Variants in CABP1 observed in about 807,000 individuals in gnomAD.
CABP1 encodes the protein calcium binding protein 1.
Under a neutral mutation model 34.3 loss-of-function variants are expected in CABP1, and 17 were observed. That is an observed-to-expected ratio of 0.50 (90% confidence interval 0.34 to 0.74). The LOEUF (loss-of-function observed/expected upper bound fraction) is 0.74. Among genes scored for constraint, CABP1 ranks in the 30% least tolerant of loss-of-function variants. The probability of loss-of-function intolerance (pLI) is 0.01; values close to 1 mark genes in which losing one functional copy is unlikely to be tolerated. For missense variants in CABP1, 373 were observed against 511.1 expected (o/e 0.73, Z 2.61); for synonymous variants, 198 against 229.2 (o/e 0.86, Z 1.23).
At chr12:120,646,280 T>G (rs958340825) in intron 1 of CABP1, among the ~76,000 whole-genome samples, 3 of 152,198 alleles carry the variant, frequency 2.0e-5, no homozygotes, top group Non-Finnish European at 2.9e-5. Flanking sequence ...TGGTGATAGT[T>G]CAAATGCTGG....
chr12:120,668,466 AAAAG>A (rs1592900500), downstream of CABP1, among the ~76,000 whole-genome samples: 2 of 152,330 alleles, frequency 1.3e-5, no homozygotes, highest in East Asian at 1.9e-4. Flanking sequence ...TCCGTCTAAA[AAAAG>A]AAAGAAATAG....
At chr12:120,674,761 C>T in the CABP1 span, among the ~76,000 whole-genome samples, 21 of 151,864 alleles carry the variant, frequency 1.4e-4, no homozygotes, top group South Asian at 4.1e-4. Flanking sequence ...CATGGTGGTG[C>T]GCACCTGCAG....
intron 1 of CABP1, among the ~76,000 whole-genome samples, chr12:120,644,622 C>T (rs1879468507): frequency 6.6e-6 from 1 of 152,162 alleles, no homozygotes; most frequent in Non-Finnish European, 1.5e-5. Context: ...GGATAAAACC[C>T]ACAGCTCTGT....
chr12:120,668,294 T>C (rs943251098), downstream of CABP1, among the ~76,000 whole-genome samples: 2 of 152,158 alleles, frequency 1.3e-5, no homozygotes, highest in Non-Finnish European at 2.9e-5. Context: ...GTTCAGGAGT[T>C]CAAGACTAAC....
At chr12:120,675,121 C>T in the CABP1 span, among the ~76,000 whole-genome samples, 2 of 150,950 alleles carry the variant, frequency 1.3e-5, no homozygotes, top group Non-Finnish European at 3.0e-5. Context: ...GGTGTGATCT[C>T]GGCTCACTGC....
intron 1 of CABP1, among the ~76,000 whole-genome samples, chr12:120,649,644 G>A (rs995728055): frequency 3.3e-5 from 5 of 152,106 alleles, no homozygotes; most frequent in African/African-American, 9.7e-5. Context: ...GGAGGAGGAG[G>A]TTCAGAGACC....
intron 1 of CABP1, among the ~76,000 whole-genome samples, chr12:120,654,969 G>A (rs1187172932): frequency 1.3e-5 from 2 of 152,246 alleles, no homozygotes; most frequent in Middle Eastern, 3.2e-3. Flanking sequence ...GGGAAGGCGG[G>A]AGGGAGGAAA....
chr12:120,641,306 G>A lies in CABP1; in HGVS notation c.621G>A (p.Arg207=). The part of the protein sequence containing the change: ...AASEADPFLH[R]LRPMLSSAFG... ...CCGAGGCGGACCCGTTCCTCCACCGGCTGCGCCCCATGCTCAGCTCCGCCT... is the reference window on the plus strand; with the variant it reads ...CCGAGGCGGACCCGTTCCTCCACCGACTGCGCCCCATGCTCAGCTCCGCCT... The change falls in exon 1 of 6, where the codon CGG becomes CGA. Residue 207 remains arginine (R), a synonymous_variant. Coordinates refer to ENST00000316803, the MANE Select transcript of CABP1 (RefSeq NM_001033677.2). The surrounding 1 kb of genome is among the most constrained non-coding windows in gnomAD (Gnocchi z 6.7). 3 of 1,330,336 alleles carry A rather than the reference G, an allele frequency of 2.3e-6. No individual in the cohort carries two copies. The highest frequency in any genetic ancestry group is 2.0e-5 in the South Asian group (1 of 50,372). 82.4% of individuals were successfully genotyped at this position (1,330,336 alleles called of 1,614,324 possible).
downstream of CABP1, among the ~76,000 whole-genome samples, chr12:120,671,665 C>A (rs1881254584): frequency 6.6e-6 from 1 of 152,250 alleles, no homozygotes; most frequent in South Asian, 2.1e-4. Context: ...GAAGGGCTCA[C>A]CTTTGGGGAC....
At position 120,660,954 on chromosome 12, in the gene CABP1, A is replaced by C; in HGVS notation, c.939+114A>C. ...CCAGATCAGGGGAGGGAGCTTGGAC[A>C]GAGAAAGGTCTCTGGTAAAGGGGGG... is the stretch of plus-strand genomic sequence containing the variant. On this transcript the variant is annotated intron_variant, in intron 4 of 5. Coordinates refer to ENST00000316803, the MANE Select transcript of CABP1 (RefSeq NM_001033677.2). This position sits in a 1 kb window ranked among gnomAD's most constrained non-coding sequence, Gnocchi z 5.0. 7.1e-7 allele frequency: 1 copy of C among 1,412,642 alleles called. No homozygotes were observed. Among genetic ancestry groups the C allele is most frequent in the Non-Finnish European group, 9.9e-7 (1 of 1,014,808 alleles). The allele number at this position is 1,412,642 out of a possible 1,614,324, so 87.5% of individuals were successfully genotyped here.
rs1176173932 is a variant in CABP1, at chr12:120,660,640, T to A, written c.830-91T>A. 6.7e-6 allele frequency: 6 copies of A among 894,114 alleles called. No individual in the cohort carries two copies. The Admixed American group carries it at 1.1e-4, about 16-fold the overall frequency. 55.4% of individuals were successfully genotyped at this position (894,114 alleles called of 1,614,324 possible). Reference sequence around the variant, plus strand: ...AGTTTGTCTCTATCTGATGAGCAGGTCAAGGAGGGGTTGTCCATTCTGTCA... The same window carrying A: ...AGTTTGTCTCTATCTGATGAGCAGGACAAGGAGGGGTTGTCCATTCTGTCA... On this transcript the variant is annotated intron_variant, in intron 3 of 5. Coordinates refer to ENST00000316803, the MANE Select transcript of CABP1 (RefSeq NM_001033677.2). The surrounding 1 kb of genome is among the most constrained non-coding windows in gnomAD (Gnocchi z 5.0).
At chr12:120,677,874 G>A in the CABP1 span, among the ~76,000 whole-genome samples, 1 of 152,228 alleles carries the variant, frequency 6.6e-6, no homozygotes, top group South Asian at 2.1e-4. Flanking sequence ...TGAGCACACT[G>A]GGCCTGGCTG....
At chr12:120,672,714 A>G in the CABP1 span, among the ~76,000 whole-genome samples, 1 of 56,116 alleles carries the variant, frequency 1.8e-5, no homozygotes, top group African/African-American at 4.1e-4. Flanking sequence ...CTTGGGTGAA[A>G]AAAAAAAAAA....
At chr12:120,650,401 A>T in intron 1 of CABP1, 3 of 1,194,818 alleles carry the variant, frequency 2.5e-6, no homozygotes, top group Non-Finnish European at 3.4e-6. Context: ...CCAGAAAGTT[A>T]AACCCACACA....
intron 1 of CABP1, among the ~76,000 whole-genome samples, chr12:120,651,199 C>T (rs535701744): frequency 5.3e-4 from 81 of 152,084 alleles, no homozygotes; most frequent in Non-Finnish European, 1.0e-3. Context: ...TAATTCTTCC[C>T]CAATAATTCT....
intron 1 of CABP1, among the ~76,000 whole-genome samples, chr12:120,647,539 G>A (rs1879596230): frequency 1.4e-5 from 2 of 147,142 alleles, no homozygotes; most frequent in Non-Finnish European, 3.0e-5. Context: ...ATCCAAGTCA[G>A]CGTGACTCCT....
At chr12:120,674,338 T>C in the CABP1 span, among the ~76,000 whole-genome samples, 12 of 152,282 alleles carry the variant, frequency 7.9e-5, no homozygotes, top group Non-Finnish European at 1.5e-4. Context: ...TGAATGGCTA[T>C]GGCAGAACCT....
intron 1 of CABP1, chr12:120,659,156 G>A (rs1406233011): frequency 1.3e-5 from 2 of 152,242 alleles, no homozygotes; most frequent in East Asian, 1.9e-4. Context: ...GGTGGCCCCC[G>A]GGGTCCTATG....
Position 120,661,211 on chromosome 12 carries a change from C to T in CABP1, c.1080C>T (p.Asp360=). The T allele has an allele frequency of 6.2e-7, 1 of 1,607,024 alleles. No homozygotes were observed. The highest frequency in any genetic ancestry group is 1.1e-5 in the South Asian group (1 of 90,992). The change falls in exon 5 of 6, where the codon GAC becomes GAT. Residue 360 remains aspartate (D), a synonymous_variant. Coordinates refer to ENST00000316803, the MANE Select transcript of CABP1 (RefSeq NM_001033677.2). The surrounding 1 kb of genome is among the most constrained non-coding windows in gnomAD (Gnocchi z 5.1). The part of the protein sequence containing the change: ...DVDLNGDGRV[D]FEEFVRMMSR ...ACCTCAATGGGGATGGACGAGTGGA[C>T]TTTGAAGGTAGGTGGGGCTTGAAAG... is the stretch of plus-strand genomic sequence containing the variant.
Sources: gnomAD v4.1 joint callset for allele counts (sites outside exome capture counted in the v4.1 genomes callset) on GRCh38, gnomAD v4.1.1 for gene constraint, Gnocchi (gnomAD v3.1) non-coding constraint, MANE v1.5 for transcripts, NCBI Gene and HGNC (gene_info 2026-07-23, HGNC 2026-07-21) for gene names.